Variants in NALF1 observed in about 807,000 individuals in gnomAD.
NALF1 encodes the protein family with sequence similarity 155 member A.
A neutral mutation model predicts 48.4 loss-of-function variants in NALF1; 3 were observed. That is an observed-to-expected ratio of 0.06 (90% CI 0.03 to 0.16). The LOEUF is 0.16. NALF1 is among the 10% of genes least tolerant of loss of function. NALF1 has a pLI of 1.00. For missense variants in NALF1, 526 were observed against 571.5 expected (o/e 0.92, Z 0.81); for synonymous variants, 262 against 245.7 (o/e 1.07, Z -0.62).
At chr13:107,615,543 T>C (rs1188430112) in intron 1 of NALF1, among the ~76,000 whole-genome samples, 2 of 152,182 alleles carry the variant, frequency 1.3e-5, no homozygotes, top group Non-Finnish European at 2.9e-5. Context: ...GCCAAAATAT[T>C]GATCCCCTTC....
chr13:107,502,816 G>A (rs183041209), intron 1 of NALF1, among the ~76,000 whole-genome samples: 50 of 152,250 alleles, frequency 3.3e-4, no homozygotes, highest in African/African-American at 1.2e-3. Flanking sequence ...TTTTGACACT[G>A]TTAAGTAATG....
chr13:107,715,057 A>G (rs1279347719), intron 1 of NALF1, among the ~76,000 whole-genome samples: 14 of 152,062 alleles, frequency 9.2e-5, no homozygotes, highest in Admixed American at 9.2e-4. Flanking sequence ...GATGAATGTG[A>G]TGTTTTGATA....
intron 1 of NALF1, among the ~76,000 whole-genome samples, chr13:107,570,178 CT>C (rs34262011): frequency 0.19 from 27,795 of 149,306 alleles, 3,114 homozygotes; most frequent in Middle Eastern, 0.29. Flanking sequence ...AATGTATATG[CT>C]TTTTTTTTTC....
chr13:107,692,909 T>TTGGG (rs1881599537), intron 1 of NALF1, among the ~76,000 whole-genome samples: 1 of 152,146 alleles, frequency 6.6e-6, no homozygotes, highest in Admixed American at 6.5e-5. Context: ...AACAGTATAC[T>TTGGG]TGGGTTGGTT....
intron 1 of NALF1, among the ~76,000 whole-genome samples, chr13:107,387,522 A>G (rs537061671): frequency 6.6e-6 from 1 of 152,268 alleles, no homozygotes; most frequent in Non-Finnish European, 1.5e-5. Context: ...GCTAGATTAA[A>G]AAGGAGTTTT....
chr13:107,435,613 A>G (rs1884451286), intron 1 of NALF1, among the ~76,000 whole-genome samples: 1 of 152,178 alleles, frequency 6.6e-6, no homozygotes, highest in South Asian at 2.1e-4. Flanking sequence ...AATTATTACA[A>G]TAGTACTTGA....
At chr13:107,454,435 G>A (rs1186978929) in intron 1 of NALF1, among the ~76,000 whole-genome samples, 1 of 152,124 alleles carries the variant, frequency 6.6e-6, no homozygotes, top group African/African-American at 2.4e-5. Context: ...CCAACAAAGT[G>A]GGAAAGAGCC....
chr13:107,678,703 G>A (rs1028095010), intron 1 of NALF1, among the ~76,000 whole-genome samples: 2 of 152,202 alleles, frequency 1.3e-5, no homozygotes, highest in African/African-American at 2.4e-5. Flanking sequence ...AAGGTGAAGG[G>A]AAACAAGGCA....
chr13:107,750,913 T>C (rs1010905828), intron 1 of NALF1, among the ~76,000 whole-genome samples: 1 of 151,890 alleles, frequency 6.6e-6, no homozygotes, highest in South Asian at 2.1e-4. Context: ...AAACACAACA[T>C]AGAAAGCTTC....
chr13:107,866,552 T>C lies in NALF1; in HGVS notation c.45A>G (p.Leu15=). Residue 15 remains leucine, a synonymous_variant, in exon 1 of 3, where the codon TTA becomes TTG. Transcript: ENST00000375915. The surrounding 1 kb of genome is among the most constrained non-coding windows in gnomAD (Gnocchi z 4.4). ...AWMCRQYDDG[L]KIWLAAPREN... ...CTCGGGGTGCTGCCAACCAGATTTT[T>C]AAGCCGTCGTCATACTGCCGACACA... The C allele has an allele frequency of 6.2e-7, 1 of 1,612,658 alleles. No homozygotes were observed. Among genetic ancestry groups the C allele is most frequent in the Non-Finnish European group, 8.5e-7 (1 of 1,179,972 alleles).
chr13:107,309,356 T>C (rs1319016465), intron 1 of NALF1, among the ~76,000 whole-genome samples: 8 of 152,250 alleles, frequency 5.3e-5, no homozygotes, highest in African/African-American at 1.2e-4. Flanking sequence ...TACAGAGTTT[T>C]TGACCACTTG....
intron 1 of NALF1, among the ~76,000 whole-genome samples, chr13:107,221,298 C>T (rs1307451544): frequency 6.6e-6 from 1 of 152,176 alleles, no homozygotes; most frequent in Non-Finnish European, 1.5e-5. Context: ...AAATTCAAGG[C>T]CAGGCATGGT....
chr13:107,631,689 C>T (rs1352622670), intron 1 of NALF1, among the ~76,000 whole-genome samples: 3 of 151,950 alleles, frequency 2.0e-5, no homozygotes, highest in East Asian at 1.9e-4. Flanking sequence ...ACAGGCTTGC[C>T]GAGACCTCAA....
intron 1 of NALF1, among the ~76,000 whole-genome samples, chr13:107,303,437 A>G (rs533418292): frequency 4.5e-4 from 68 of 152,364 alleles, no homozygotes; most frequent in Admixed American, 1.2e-3. Context: ...AATAAATAAA[A>G]ACATCAGAAT....
At chr13:107,722,138 C>T (rs186020467) in intron 1 of NALF1, among the ~76,000 whole-genome samples, 114 of 152,088 alleles carry the variant, frequency 7.5e-4, no homozygotes, top group Admixed American at 2.0e-3. Context: ...GTTAAAAGTT[C>T]GGTAAATCTA....
intron 1 of NALF1, among the ~76,000 whole-genome samples, chr13:107,488,640 G>A (rs114407488): frequency 0.014 from 2,114 of 152,096 alleles, 45 homozygotes; most frequent in African/African-American, 0.047. Context: ...AATAAGAGCC[G>A]TATATGACAA....
intron 1 of NALF1, among the ~76,000 whole-genome samples, chr13:107,665,666 C>T (rs1036531173): frequency 6.6e-6 from 1 of 151,902 alleles, no homozygotes; most frequent in African/African-American, 2.4e-5. Flanking sequence ...TTTATCTCAT[C>T]TTGACATGTT....
chr13:107,368,237 C>G (rs1424886455), intron 1 of NALF1, among the ~76,000 whole-genome samples: 1 of 152,122 alleles, frequency 6.6e-6, no homozygotes, highest in Non-Finnish European at 1.5e-5. Context: ...AAGCTCTCCA[C>G]TATGTGGCAT....
chr13:107,300,210 A>G (rs1881811788), intron 1 of NALF1, among the ~76,000 whole-genome samples: 1 of 152,204 alleles, frequency 6.6e-6, no homozygotes, highest in African/African-American at 2.4e-5. Flanking sequence ...GGTGCTAAAA[A>G]ATTAAAAATA....
Sources: allele counts gnomAD v4.1 joint callset (sites outside exome capture counted in the v4.1 genomes callset), GRCh38; gene constraint gnomAD v4.1.1; non-coding constraint Gnocchi (gnomAD v3.1); transcripts MANE v1.5; gene names NCBI Gene and HGNC (gene_info 2026-07-23, HGNC 2026-07-21).